RANBP3L: variants seen among roughly 807,000 people sequenced by gnomAD.
RANBP3L encodes ran-binding protein 3-like.
RANBP3L carries 56 observed loss-of-function variants against 67.2 expected under a neutral mutation model. The observed-to-expected ratio is 0.83, with a 90% CI of 0.67 to 1.04. The LOEUF is 1.04. RANBP3L is among the 50% of genes least tolerant of loss of function. The pLI, the probability that RANBP3L is intolerant of heterozygous loss-of-function variation, is 0.00. For missense variants in RANBP3L, 496 were observed against 535.5 expected, an observed-to-expected ratio of 0.93 and a Z score of 0.73; for synonymous variants, 164 against 181.4, an observed-to-expected ratio of 0.90 and a Z score of 0.77.
Position 36,301,274 on chromosome 5 carries a change from C to A in RANBP3L, c.91+52G>T, listed in dbSNP as rs570942170. On this transcript the variant is annotated intron_variant, in intron 1 of 13. Coordinates refer to ENST00000296604, the MANE Select transcript of RANBP3L (RefSeq NM_145000.5). The stretch of plus-strand genomic sequence containing the variant: ...CCAGCCCACCATTCTTCCTGGAATG[C>A]AAATGCACAGAAGGTCACAGAATAT... The A allele has an allele frequency of 1.1e-5, 15 of 1,366,520 alleles. No individual in the cohort carries two copies. The South Asian group carries it at 1.7e-4, about 16-fold the overall frequency. The allele number at this position is 1,366,520 out of a possible 1,614,324, so 84.6% of individuals were successfully genotyped here.
At chr5:36,295,175 ATT>A (rs1227796942) in intron 1 of RANBP3L, among the ~76,000 whole-genome samples, 1 of 151,878 alleles carries the variant, frequency 6.6e-6, no homozygotes, top group Non-Finnish European at 1.5e-5. Context: ...TAGTAATTCT[ATT>A]TGTTAATTTT....
At chr5:36,260,351 ACT>A (rs1293040610) in intron 8 of RANBP3L, among the ~76,000 whole-genome samples, 3 of 121,900 alleles carry the variant, frequency 2.5e-5, no homozygotes, top group Non-Finnish European at 5.0e-5. Context: ...ACAGAGCGAG[ACT>A]CTGTCTCAAA....
chr5:36,247,070 A>G lies in RANBP3L; in HGVS notation c.*2584T>C, dbSNP rs922952109. Among the ~76,000 whole-genome samples the G allele has an allele frequency of 1.3e-5, 2 of 152,216 alleles. No homozygotes were observed. Among genetic ancestry groups the G allele is most frequent in the African/African-American group, 4.8e-5 (2 of 41,444 alleles). ...AAAACAGCTGCTTTGGAAATCCAAC[A>G]TGTATACTTCAAAATAATTTACCTA... On this transcript the variant is annotated 3_prime_UTR_variant, in exon 14 of 14. Coordinates refer to ENST00000296604, the MANE Select transcript of RANBP3L (RefSeq NM_145000.5).
At chr5:36,293,449 G>C (rs916084293) in intron 1 of RANBP3L, among the ~76,000 whole-genome samples, 80 of 151,880 alleles carry the variant, frequency 5.3e-4, no homozygotes, top group Non-Finnish European at 9.4e-4. Flanking sequence ...TTGAATAGGA[G>C]TGGTGAGAGA....
intron 1 of RANBP3L, among the ~76,000 whole-genome samples, chr5:36,299,971 C>T (rs574604982): frequency 7.9e-4 from 120 of 152,294 alleles, no homozygotes; most frequent in African/African-American, 2.8e-3. Context: ...GAAGTTTATA[C>T]ATTAAAATGT....
intron 1 of RANBP3L, among the ~76,000 whole-genome samples, chr5:36,292,405 T>A (rs561242942): frequency 9.2e-5 from 14 of 152,198 alleles, no homozygotes; most frequent in Admixed American, 4.6e-4. Flanking sequence ...TTGAGTTTAA[T>A]TAGATCCCAT....
At chr5:36,276,814 T>C (rs1750604765) in intron 1 of RANBP3L, among the ~76,000 whole-genome samples, 1 of 152,184 alleles carries the variant, frequency 6.6e-6, no homozygotes, top group Admixed American at 6.5e-5. Context: ...TAGAGTAAGA[T>C]GCTGAGAATG....
chr5:36,292,823 G>C (rs975738684), intron 1 of RANBP3L, among the ~76,000 whole-genome samples: 1 of 152,220 alleles, frequency 6.6e-6, no homozygotes, highest in African/African-American at 2.4e-5. Flanking sequence ...ATAGTTTGAA[G>C]TCAGGTAGCG....
At chr5:36,294,775 T>C (rs887878794) in intron 1 of RANBP3L, among the ~76,000 whole-genome samples, 99 of 149,296 alleles carry the variant, frequency 6.6e-4, no homozygotes, top group African/African-American at 2.4e-3. Flanking sequence ...ATATATATAG[T>C]GTGTATGTAT....
intron 11 of RANBP3L, among the ~76,000 whole-genome samples, chr5:36,254,416 T>C (rs1748820662): frequency 6.6e-6 from 1 of 152,108 alleles, no homozygotes; most frequent in Admixed American, 6.6e-5. Flanking sequence ...ATCCATGCTT[T>C]CTGTTTTTTA....
chr5:36,249,391 CCTATT>C lies in RANBP3L; in HGVS notation c.*258_*262del, dbSNP rs1748446246. ...GAAGAGTCCAAATTAGTTATAAAATCCTATTCTAAATAAACTTCTTCAAAAATGAT... is the reference window on the plus strand; with the variant it reads ...GAAGAGTCCAAATTAGTTATAAAATCCTAAATAAACTTCTTCAAAAATGAT... On this transcript the variant is annotated 3_prime_UTR_variant, in exon 14 of 14. Coordinates refer to ENST00000296604, the MANE Select transcript of RANBP3L (RefSeq NM_145000.5). 4.1e-6 allele frequency: 1 copy of C among 245,048 alleles called. No homozygotes were observed. Among genetic ancestry groups the C allele is most frequent in the Non-Finnish European group, 7.7e-6 (1 of 129,238 alleles). 15.2% of individuals were successfully genotyped at this position (245,048 alleles called of 1,614,324 possible). A position where few individuals can be genotyped will look rare whatever the true frequency, so the allele number is the denominator to read the frequency against.
At chr5:36,296,501 A>T (rs1752226069) in intron 1 of RANBP3L, among the ~76,000 whole-genome samples, 2 of 152,180 alleles carry the variant, frequency 1.3e-5, no homozygotes, top group African/African-American at 4.8e-5. Flanking sequence ...AAAAAAATTA[A>T]ACATTGTAAT....
chr5:36,256,824 A>C, intron 10 of RANBP3L, 117 bp downstream of exon 10: 1 of 916,328 alleles, frequency 1.1e-6, no homozygotes, highest in Non-Finnish European at 1.6e-6. Context: ...TATTTAAGCA[A>C]CTTAGTCTCC....
At chr5:36,255,833 T>C (rs933654627) in intron 10 of RANBP3L, among the ~76,000 whole-genome samples, 3 of 152,106 alleles carry the variant, frequency 2.0e-5, no homozygotes, top group Non-Finnish European at 4.4e-5. Context: ...ATTTCCCATC[T>C]ACCAATTTCC....
intron 11 of RANBP3L, 126 bp downstream of exon 11, chr5:36,255,344 T>C (rs1748892312): frequency 2.2e-6 from 2 of 903,346 alleles, no homozygotes; most frequent in African/African-American, 1.7e-5. Context: ...AGAAATATTT[T>C]CAACAGTCTG....
At chr5:36,261,422 C>T (rs2111758846) in intron 7 of RANBP3L, among the ~76,000 whole-genome samples, 1 of 152,258 alleles carries the variant, frequency 6.6e-6, no homozygotes, top group African/African-American at 2.4e-5. Flanking sequence ...ACATAGAAGG[C>T]ACCTGCTACC....
At chr5:36,276,723 T>C (rs1356373446) in intron 1 of RANBP3L, among the ~76,000 whole-genome samples, 1 of 152,146 alleles carries the variant, frequency 6.6e-6, no homozygotes. Context: ...ACTGGGAAAG[T>C]AACTGGAGGA....
At chr5:36,289,534 G>T (rs1429761391) in intron 1 of RANBP3L, among the ~76,000 whole-genome samples, 1 of 152,084 alleles carries the variant, frequency 6.6e-6, no homozygotes, top group Non-Finnish European at 1.5e-5. Context: ...ATGAATTTGG[G>T]ATGTATCTCT....
chr5:36,265,063 C>A lies in RANBP3L; in HGVS notation c.376G>T (p.Ala126Ser). The A allele has an allele frequency of 1.2e-6, 2 of 1,610,984 alleles. No homozygotes were observed. The highest frequency in any genetic ancestry group is 1.7e-6 in the Non-Finnish European group (2 of 1,177,326). ...VKHSKHVIRP[A>S]ILQLPQARSC... ...CGAGCTTGAGGTAGCTGCAAAATAG[C>A]AGGTCTAATAACATGTTTAGAATGT... The change falls in exon 6 of 14, where the codon GCT becomes TCT. Residue 126 changes from alanine (A) to serine (S), a missense_variant. Transcript: ENST00000296604.
Sources: allele counts gnomAD v4.1 joint callset (sites outside exome capture counted in the v4.1 genomes callset), GRCh38; gene constraint gnomAD v4.1.1; transcripts MANE v1.5; gene names NCBI Gene and HGNC (gene_info 2026-07-23, HGNC 2026-07-21).